Variants in NAV2 observed in about 807,000 individuals in gnomAD.
The protein encoded by NAV2 is neuron navigator 2.
A neutral mutation model predicts 223.2 loss-of-function variants in NAV2; 54 were observed. The observed-to-expected ratio is 0.24, with a 90% confidence interval of 0.19 to 0.30. NAV2 has a LOEUF of 0.30. Among genes scored for constraint, NAV2 ranks in the 10% least tolerant of loss-of-function variants. The probability of loss-of-function intolerance (pLI) is 1.00; values close to 1 mark genes in which losing one functional copy is unlikely to be tolerated. For synonymous variants in NAV2, 1,279 were observed against 1,239.3 expected (o/e 1.03, Z -0.67); for missense variants, 2,806 against 3,147.5 (o/e 0.89, Z 2.60).
At chr11:19,958,648 G>A (rs1182845572) in intron 10 of NAV2, among the ~76,000 whole-genome samples, 1 of 152,202 alleles carries the variant, frequency 6.6e-6, no homozygotes, top group Non-Finnish European at 1.5e-5. Flanking sequence ...TCTCAGCCCA[G>A]TGCCTGGCAT....
chr11:19,433,683 G>A (rs1488227890), intron 1 of NAV2, among the ~76,000 whole-genome samples: 3 of 152,218 alleles, frequency 2.0e-5, no homozygotes, highest in African/African-American at 7.2e-5. Flanking sequence ...TTAGCTCCAT[G>A]GGGAGTCTCT....
At chr11:20,052,929 G>A (rs920927657) in intron 17 of NAV2, among the ~76,000 whole-genome samples, 3 of 152,102 alleles carry the variant, frequency 2.0e-5, no homozygotes, top group African/African-American at 7.2e-5. Context: ...AGAAATTTCA[G>A]ATGCAGGCCA....
intron 1 of NAV2, chr11:19,778,129 G>A (rs1743536150): frequency 2.3e-5 from 9 of 386,942 alleles, no homozygotes; most frequent in South Asian, 1.7e-4. Flanking sequence ...GAGAGCTGAG[G>A]ATAGCAGGAT....
chr11:19,467,012 C>CAGAG (rs1291348160), intron 1 of NAV2, among the ~76,000 whole-genome samples: 27 of 134,362 alleles, frequency 2.0e-4, no homozygotes, highest in Non-Finnish European at 2.7e-4. Context: ...CACACACACA[C>CAGAG]ACACACAGAG....
At chr11:19,476,390 C>T (rs890432619) in intron 1 of NAV2, among the ~76,000 whole-genome samples, 6 of 151,954 alleles carry the variant, frequency 3.9e-5, no homozygotes, top group Admixed American at 2.0e-4. Flanking sequence ...TCCCCTATAG[C>T]CAGCCTGCCT....
At chr11:19,735,223 C>G (rs2052171821) in intron 1 of NAV2, among the ~76,000 whole-genome samples, 1 of 152,158 alleles carries the variant, frequency 6.6e-6, no homozygotes, top group Non-Finnish European at 1.5e-5. Context: ...TTGGGTGAAG[C>G]CTGGGACCAG....
At chr11:19,436,962 G>A (rs1056341935) in intron 1 of NAV2, among the ~76,000 whole-genome samples, 6 of 152,078 alleles carry the variant, frequency 3.9e-5, no homozygotes, top group Non-Finnish European at 7.4e-5. Flanking sequence ...TCTTTTATAA[G>A]TTATAACACA....
chr11:19,553,974 GAA>G (rs1434110811), intron 1 of NAV2, among the ~76,000 whole-genome samples: 7 of 152,352 alleles, frequency 4.6e-5, no homozygotes, highest in African/African-American at 1.4e-4. Flanking sequence ...ACGCCCAGTA[GAA>G]AAAGAGGCTG....
Position 19,713,027 on chromosome 11 carries a change from G to A in NAV2, c.-669G>A, listed in dbSNP as rs1352551121. Among the ~76,000 whole-genome samples, 1 of 152,190 alleles carries A rather than the reference G, an allele frequency of 6.6e-6. No homozygotes were observed. The highest frequency in any genetic ancestry group is 6.5e-5 in the Admixed American group (1 of 15,286). ...AGGCGCTAAGGTGCTCTCAGTCCGG[G>A]GGCCTTCTGGGCAGCGGTGACTGTC... On this transcript the variant is annotated 5_prime_UTR_variant, in exon 1 of 38. Coordinates refer to ENST00000349880, the MANE Select transcript of NAV2 (RefSeq NM_145117.5). The surrounding 1 kb of genome is among the most constrained non-coding windows in gnomAD (Gnocchi z 7.2).
intron 16 of NAV2, 142 bp downstream of exon 16, chr11:20,050,043 A>T: frequency 1.4e-6 from 1 of 722,352 alleles, no homozygotes. Context: ...TGACACATGG[A>T]CATGCCAGTG....
chr11:19,355,957 G>A (rs1311142947), intron 1 of NAV2, among the ~76,000 whole-genome samples: 1 of 152,180 alleles, frequency 6.6e-6, no homozygotes, highest in Non-Finnish European at 1.5e-5. Flanking sequence ...TGTTAGGTGA[G>A]GATGAGGCTT....
intron 6 of NAV2, among the ~76,000 whole-genome samples, chr11:19,896,989 T>C (rs1475992799): frequency 3.9e-5 from 6 of 151,938 alleles, no homozygotes; most frequent in African/African-American, 1.5e-4. Context: ...AACCCAAATG[T>C]CCAACAATGA....
intron 10 of NAV2, among the ~76,000 whole-genome samples, chr11:19,949,517 A>T (rs1177474356): frequency 6.6e-6 from 1 of 151,920 alleles, no homozygotes; most frequent in East Asian, 1.9e-4. Flanking sequence ...ACAGCCTTGC[A>T]CTCTGTTTCT....
intron 1 of NAV2, among the ~76,000 whole-genome samples, chr11:19,821,023 G>C (rs1356379156): frequency 1.3e-5 from 2 of 152,218 alleles, no homozygotes; most frequent in African/African-American, 4.8e-5. Flanking sequence ...AGCACTTTGG[G>C]AGGCCGAGGC....
At chr11:19,698,048 A>G (rs1011676313) in intron 1 of NAV2, among the ~76,000 whole-genome samples, 4 of 152,102 alleles carry the variant, frequency 2.6e-5, no homozygotes, top group African/African-American at 9.7e-5. Flanking sequence ...CCCACTCATC[A>G]CAGCACAGGG....
intron 3 of NAV2, among the ~76,000 whole-genome samples, chr11:19,846,041 A>T (rs962607061): frequency 1.3e-5 from 2 of 152,178 alleles, no homozygotes; most frequent in African/African-American, 4.8e-5. Flanking sequence ...TGTGCATGGC[A>T]CTGTGGAGAC....
At chr11:19,979,199 T>C (rs1396843828) in intron 10 of NAV2, 1 of 152,202 alleles carries the variant, frequency 6.6e-6, no homozygotes, top group East Asian at 1.9e-4. Flanking sequence ...GAAAAATCTG[T>C]AGAAGAAAGT....
chr11:19,751,289 A>G (rs2152499537), intron 1 of NAV2, among the ~76,000 whole-genome samples: 1 of 152,054 alleles, frequency 6.6e-6, no homozygotes, highest in South Asian at 2.1e-4. Flanking sequence ...CTTAACCAAT[A>G]CTCATACTGC....
intron 25 of NAV2, among the ~76,000 whole-genome samples, chr11:20,080,526 T>C (rs1242988598): frequency 6.6e-6 from 1 of 151,724 alleles, no homozygotes; most frequent in Non-Finnish European, 1.5e-5. Flanking sequence ...TTTCAGGTAC[T>C]AGAGGAAAGT....
Sources: allele counts gnomAD v4.1 joint callset (sites outside exome capture counted in the v4.1 genomes callset), GRCh38; gene constraint gnomAD v4.1.1; non-coding constraint Gnocchi (gnomAD v3.1); transcripts MANE v1.5; gene names NCBI Gene and HGNC (gene_info 2026-07-23, HGNC 2026-07-21).